The following GMDS variants were observed in gnomAD, a reference collection of about 807,000 sequenced individuals.
GMDS encodes the protein GDP-mannose 4,6-dehydratase, also known as GDP-mannose 4,6 dehydratase.
A neutral mutation model predicts 49.9 loss-of-function variants in GMDS; 20 were observed. That is an observed-to-expected ratio of 0.40 (90% CI 0.28 to 0.58). The LOEUF (loss-of-function observed/expected upper bound fraction) is 0.58, where lower values mean the gene tolerates loss of function less well. GMDS is among the 20% of genes least tolerant of loss of function. GMDS has a pLI of 0.42. For missense variants in GMDS, 362 were observed against 481.4 expected, an observed-to-expected ratio of 0.75 and a Z score of 2.32; for synonymous variants, 177 against 178.6, an observed-to-expected ratio of 0.99 and a Z score of 0.07.
chr6:2,055,463 C>A (rs1264417291), intron 4 of GMDS, among the ~76,000 whole-genome samples: 1 of 152,130 alleles, frequency 6.6e-6, no homozygotes, highest in Non-Finnish European at 1.5e-5. Flanking sequence ...TACTATATGA[C>A]ATTCACAGTC....
chr6:1,957,265 A>G (rs1029095537), intron 6 of GMDS, among the ~76,000 whole-genome samples: 2 of 152,170 alleles, frequency 1.3e-5, no homozygotes, highest in African/African-American at 2.4e-5. Flanking sequence ...ATTTAAAAAT[A>G]TTTACTGAAT....
chr6:2,175,336 A>C (rs1418945589), intron 1 of GMDS, among the ~76,000 whole-genome samples: 1 of 152,236 alleles, frequency 6.6e-6, no homozygotes, highest in African/African-American at 2.4e-5. Flanking sequence ...TAAGCAGTCT[A>C]AAGAATAACA....
At chr6:1,763,875 A>G (rs1203478047) in intron 7 of GMDS, among the ~76,000 whole-genome samples, 1 of 152,132 alleles carries the variant, frequency 6.6e-6, no homozygotes, top group African/African-American at 2.4e-5. Flanking sequence ...CTGTCTCCAC[A>G]CTGGGGGCAC....
At chr6:1,828,069 C>G (rs759821501) in intron 7 of GMDS, among the ~76,000 whole-genome samples, 1 of 151,498 alleles carries the variant, frequency 6.6e-6, no homozygotes, top group African/African-American at 2.4e-5. Flanking sequence ...AATGTATGAA[C>G]AAAATGAGAA....
chr6:1,806,398 G>A (rs527903229), intron 7 of GMDS, among the ~76,000 whole-genome samples: 14 of 151,502 alleles, frequency 9.2e-5, no homozygotes, highest in Admixed American at 7.9e-4. Flanking sequence ...TTTCAGGATG[G>A]GTGCTCTATC....
chr6:1,635,807 C>T lies in GMDS; in HGVS notation c.988-11267G>A, dbSNP rs1763127088. 1.3e-5 allele frequency among the ~76,000 whole-genome samples: 2 copies of T among 152,234 alleles called. No homozygotes were observed. The highest frequency in any genetic ancestry group is 4.1e-4 in the South Asian group (2 of 4,832). The stretch of plus-strand genomic sequence containing the variant: ...TCCAAATGTGAGAAATTACTGATTA[C>T]AGCCTTGTACATAACCCACAGCCAC... On this transcript the variant is annotated intron_variant, in intron 9 of 10. Transcript: ENST00000380815. The surrounding 1 kb of genome is among the most constrained non-coding windows in gnomAD (Gnocchi z 4.7).
chr6:1,738,327 G>A (rs185896333), intron 8 of GMDS, among the ~76,000 whole-genome samples: 132 of 152,310 alleles, frequency 8.7e-4, no homozygotes, highest in Non-Finnish European at 6.6e-4. Context: ...ATGTGGTACT[G>A]ATCTGCTTCC....
At chr6:2,114,019 G>A (rs950014208) in intron 4 of GMDS, among the ~76,000 whole-genome samples, 10 of 152,056 alleles carry the variant, frequency 6.6e-5, no homozygotes, top group South Asian at 2.1e-4. Flanking sequence ...ACACCAGAAC[G>A]ATAACAAAAC....
chr6:1,717,087 G>GA (rs1766202994), intron 9 of GMDS, among the ~76,000 whole-genome samples: 1 of 152,236 alleles, frequency 6.6e-6, no homozygotes, highest in Non-Finnish European at 1.5e-5. Context: ...CCTGCCAAGA[G>GA]AAAATCTCAC....
At chr6:2,216,015 T>A (rs1259157448) in intron 1 of GMDS, among the ~76,000 whole-genome samples, 1 of 152,092 alleles carries the variant, frequency 6.6e-6, no homozygotes, top group East Asian at 1.9e-4. Context: ...ATGAAATAAA[T>A]TTGTCTATGA....
chr6:1,725,969 G>A (rs1248325617), intron 9 of GMDS, among the ~76,000 whole-genome samples: 1 of 152,230 alleles, frequency 6.6e-6, no homozygotes, highest in African/African-American at 2.4e-5. Context: ...AAAAGCAGGG[G>A]AGACCATTTA....
At chr6:1,785,874 C>T (rs1769296338) in intron 7 of GMDS, among the ~76,000 whole-genome samples, 1 of 152,210 alleles carries the variant, frequency 6.6e-6, no homozygotes, top group South Asian at 2.1e-4. Context: ...CCCTCTTACT[C>T]CCAAGAAGGG....
At chr6:2,134,847 A>G (rs576134513) in intron 1 of GMDS, among the ~76,000 whole-genome samples, 2 of 152,348 alleles carry the variant, frequency 1.3e-5, no homozygotes, top group South Asian at 4.1e-4. Context: ...TACACTATAC[A>G]GCAAAGTATT....
intron 7 of GMDS, among the ~76,000 whole-genome samples, chr6:1,898,297 C>T (rs1760322274): frequency 6.6e-6 from 1 of 152,226 alleles, no homozygotes; most frequent in African/African-American, 2.4e-5. Context: ...AAGAAAATCA[C>T]CTTCTAAATA....
intron 7 of GMDS, among the ~76,000 whole-genome samples, chr6:1,919,853 T>C (rs1164866988): frequency 6.6e-6 from 1 of 152,206 alleles, no homozygotes; most frequent in Non-Finnish European, 1.5e-5. Context: ...TTACCGTTGA[T>C]GCCCTGGGCC....
intron 4 of GMDS, among the ~76,000 whole-genome samples, chr6:2,078,083 T>C (rs1429647327): frequency 6.6e-6 from 1 of 152,112 alleles, no homozygotes; most frequent in Non-Finnish European, 1.5e-5. Flanking sequence ...CTGTTCATGA[T>C]AGTCTCTGAT....
intron 9 of GMDS, among the ~76,000 whole-genome samples, chr6:1,704,323 G>A (rs772805373): frequency 1.3e-5 from 2 of 151,912 alleles, no homozygotes; most frequent in Non-Finnish European, 2.9e-5. Context: ...AGCCCTGCCT[G>A]AGGAATGCAC....
At chr6:1,781,412 T>C (rs1047600340) in intron 7 of GMDS, among the ~76,000 whole-genome samples, 1 of 152,206 alleles carries the variant, frequency 6.6e-6, no homozygotes, top group Non-Finnish European at 1.5e-5. Context: ...GCTGTTGTGC[T>C]ACTCTGGGCC....
chr6:1,835,442 T>A lies in GMDS; in HGVS notation c.772-92856A>T, dbSNP rs562237448. Among the ~76,000 whole-genome samples, 57 of 152,310 alleles carry A rather than the reference T, an allele frequency of 3.7e-4. No homozygotes were observed. In the South Asian group the frequency reaches 0.011, roughly 30 times the overall value. ...CTTTGTAGGGAGTTGTTATAACAAA[T>A]TTGGTGAATTCTTATTCTGCTTTTA... On this transcript the variant is annotated intron_variant, in intron 7 of 10. Transcript: ENST00000380815.
Sources: allele counts gnomAD v4.1 joint callset (sites outside exome capture counted in the v4.1 genomes callset), GRCh38; gene constraint gnomAD v4.1.1; non-coding constraint Gnocchi (gnomAD v3.1); transcripts MANE v1.5; gene names NCBI Gene and HGNC (gene_info 2026-07-23, HGNC 2026-07-21).